Variants in SRP19 observed in about 807,000 individuals in gnomAD.
The protein encoded by SRP19 is signal recognition particle 19 kDa protein.
In SRP19, 11 loss-of-function variants were observed where a neutral mutation model predicts 22.4. That is an observed-to-expected ratio of 0.49 (90% CI 0.31 to 0.81). The LOEUF (loss-of-function observed/expected upper bound fraction) is 0.81, where lower values mean the gene tolerates loss of function less well. Among genes scored for constraint, SRP19 ranks in the 40% least tolerant of loss-of-function variants. The probability of loss-of-function intolerance (pLI) is 0.05; values close to 1 mark genes in which losing one functional copy is unlikely to be tolerated. For synonymous variants in SRP19, 61 were observed against 57.6 expected (o/e 1.06, Z -0.27); for missense variants, 168 against 175.9 (o/e 0.96, Z 0.25).
At position 112,892,408 on chromosome 5, in the gene SRP19, A is replaced by C. The variant is rs745871536; in HGVS notation, c.*801A>C. On this transcript the variant is annotated 3_prime_UTR_variant, in exon 5 of 5. Transcript: ENST00000391338. ...GTTGCCCGAGTTCAAGAACGTGGGGAAAGTGATTCAGTTCAAGGTCAGCTG... is the reference window on the plus strand; with the variant it reads ...GTTGCCCGAGTTCAAGAACGTGGGGCAAGTGATTCAGTTCAAGGTCAGCTG... The C allele has an allele frequency of 1.3e-5, 21 of 1,614,000 alleles. No homozygotes were observed. In the East Asian group the frequency reaches 4.7e-4, roughly 36 times the overall value.
intron 4 of SRP19, among the ~76,000 whole-genome samples, chr5:112,883,459 A>T (rs540498151): frequency 6.6e-6 from 1 of 152,232 alleles, no homozygotes; most frequent in African/African-American, 2.4e-5. Context: ...CCACACGCTC[A>T]TGGTTTTCTT....
chr5:112,865,371 T>C (rs904558419), intron 4 of SRP19, among the ~76,000 whole-genome samples: 22 of 152,310 alleles, frequency 1.4e-4, no homozygotes, highest in African/African-American at 5.1e-4. Flanking sequence ...TTTTATTTTA[T>C]GAAAAACAAT....
intron 4 of SRP19, among the ~76,000 whole-genome samples, chr5:112,889,011 G>C (rs911037808): frequency 6.6e-6 from 1 of 150,780 alleles, no homozygotes; most frequent in African/African-American, 2.5e-5. Flanking sequence ...TTCCCCTTTC[G>C]CTTGGGCTCT....
rs978184782 is a variant in SRP19, at chr5:112,869,236, T to C, written c.*1699T>C. On this transcript the variant is annotated 3_prime_UTR_variant, in exon 5 of 5. Coordinates refer to ENST00000505459, the MANE Select transcript of SRP19 (RefSeq NM_003135.3). ...CCATGACATATTTCTAACACCTTTA[T>C]GATTATTGTTCCTGCTTGTAAAAGG... The C allele has an allele frequency of 6.6e-6, 1 of 152,198 alleles. No homozygotes were observed. 9.4% of individuals were successfully genotyped at this position (152,198 alleles called of 1,614,324 possible). A position where few individuals can be genotyped will look rare whatever the true frequency, so the allele number is the denominator to read the frequency against.
chr5:112,881,300 G>A (rs1444590961), intron 4 of SRP19, among the ~76,000 whole-genome samples: 1 of 152,012 alleles, frequency 6.6e-6, no homozygotes, highest in Non-Finnish European at 1.5e-5. Flanking sequence ...CCACTTCTGG[G>A]GCATCAGTGC....
At chr5:112,893,546 A>T (rs1168539621), downstream of SRP19, 2 of 154,008 alleles carry the variant, frequency 1.3e-5, no homozygotes, top group African/African-American at 4.8e-5. Flanking sequence ...CCTATTCCTT[A>T]CATTTAAAGA....
Position 112,869,056 on chromosome 5 carries a change from TAACAA to T in SRP19, c.*1525_*1529del, listed in dbSNP as rs1222274638. Reference sequence around the variant, plus strand: ...GAGAAAGTGGGTGTGTTTGGCTGTGTAACAAAACAATAAGGGGATGTGTTTGCTGT... The same window carrying T: ...GAGAAAGTGGGTGTGTTTGGCTGTGTAACAATAAGGGGATGTGTTTGCTGT... On this transcript the variant is annotated 3_prime_UTR_variant, in exon 5 of 5. Transcript: ENST00000505459. 6.6e-6 allele frequency: 1 copy of T among 152,194 alleles called. No individual in the cohort carries two copies. Among genetic ancestry groups the T allele is most frequent in the African/African-American group, 2.4e-5 (1 of 41,452 alleles). The allele number at this position is 152,194 out of a possible 1,614,324, so 9.4% of individuals were successfully genotyped here. A position where few individuals can be genotyped will look rare whatever the true frequency, so the allele number is the denominator to read the frequency against.
rs1767658153 is a variant in SRP19, at chr5:112,867,803, G to A, written c.*266G>A. On this transcript the variant is annotated 3_prime_UTR_variant, in exon 5 of 5. Coordinates refer to ENST00000505459, the MANE Select transcript of SRP19 (RefSeq NM_003135.3). ...AATATTTTTAAATGGACAATGGACT[G>A]TACAATAAGTTACTTGAAATAAGTT... is the stretch of plus-strand genomic sequence containing the variant. The A allele has an allele frequency of 8.9e-7, 1 of 1,125,690 alleles. No individual in the cohort carries two copies. The highest frequency in any genetic ancestry group is 1.1e-6 in the Non-Finnish European group (1 of 920,884). The allele number at this position is 1,125,690 out of a possible 1,614,324, so 69.7% of individuals were successfully genotyped here. A position where few individuals can be genotyped will look rare whatever the true frequency, so the allele number is the denominator to read the frequency against.
Position 112,862,522 on chromosome 5 carries a change from A to G in SRP19, c.56A>G (p.Tyr19Cys). Reference sequence around the variant, plus strand: ...GTCTATGGCAGGTTTATTTGTATCTATCCTGCTTATTTAAATAATAAGAAG... The same window carrying G: ...GTCTATGGCAGGTTTATTTGTATCTGTCCTGCTTATTTAAATAATAAGAAG... ...PADQDRFICI[Y>C]PAYLNNKKTI... Residue 19 changes from tyrosine to cysteine, a missense_variant, in exon 2 of 5, where the codon TAT (tyrosine) becomes TGT (cysteine). Coordinates refer to ENST00000505459, the MANE Select transcript of SRP19 (RefSeq NM_003135.3). 2 of 1,613,878 alleles carry G rather than the reference A, an allele frequency of 1.2e-6. No homozygotes were observed. The highest frequency in any genetic ancestry group is 1.7e-6 in the Non-Finnish European group (2 of 1,179,892).
At position 112,862,779 on chromosome 5, in the gene SRP19, A is replaced by AT. The variant is rs536542827; in HGVS notation, c.117+203dup. Among the ~76,000 whole-genome samples the AT allele has an allele frequency of 4.4e-3, 671 of 152,112 alleles. 3 individuals are homozygous for AT. Among genetic ancestry groups the AT allele is most frequent in the Middle Eastern group, 0.01 (3 of 294 alleles). ...GGCATTAATTCATAGCTGAAGGGAT[A>AT]TTTTTTTAACGTCTCTTAATGAGCC... is the stretch of plus-strand genomic sequence containing the variant. On this transcript the variant is annotated intron_variant, in intron 2 of 4. Transcript: ENST00000505459.
chr5:112,880,698 A>G (rs1247913512), intron 4 of SRP19, among the ~76,000 whole-genome samples: 1 of 152,234 alleles, frequency 6.6e-6, no homozygotes, highest in African/African-American at 2.4e-5. Context: ...ATAACAAAGT[A>G]AGATTGGATT....
intron 2 of SRP19, 49 bp downstream of exon 2, chr5:112,862,632 A>G (rs949735355): frequency 1.9e-6 from 3 of 1,554,120 alleles, no homozygotes; most frequent in Non-Finnish European, 2.6e-6. Context: ...GGGGGGTGTC[A>G]TCCTGGTCGG....
chr5:112,865,969 T>C (rs1346254874), intron 4 of SRP19, among the ~76,000 whole-genome samples: 1 of 152,214 alleles, frequency 6.6e-6, no homozygotes, highest in Non-Finnish European at 1.5e-5. Context: ...TCTTCCCATC[T>C]TGGGGAGATC....
rs1768391978 is a variant in SRP19, at chr5:112,890,188, G to A, written c.302-1415G>A. Among the ~76,000 whole-genome samples the A allele has an allele frequency of 1.3e-5, 2 of 150,378 alleles. 1 individual carries two copies. The highest frequency in any genetic ancestry group is 5.0e-5 in the African/African-American group (2 of 40,280). ...TGTATGCCTGTGGTCCTCCTGGGAG[G>A]TTGAGGTGGGAGGGTGGCTTGACCT... On this transcript the variant is annotated intron_variant, in intron 4 of 4. Coordinates refer to the SRP19 transcript ENST00000391338.
intron 4 of SRP19, chr5:112,876,602 G>C (rs1195574486): frequency 2.0e-5 from 3 of 152,108 alleles, no homozygotes; most frequent in Non-Finnish European, 2.9e-5. Flanking sequence ...TAAGCTGTTT[G>C]GTAGGAATTC....
At chr5:112,870,886 C>G (rs1767744034), downstream of SRP19, among the ~76,000 whole-genome samples, 1 of 152,176 alleles carries the variant, frequency 6.6e-6, no homozygotes, top group Admixed American at 6.5e-5. Context: ...GAGCCAAATA[C>G]ACATTGCCCA....
chr5:112,891,182 C>T (rs1768433694), intron 4 of SRP19, among the ~76,000 whole-genome samples: 1 of 152,012 alleles, frequency 6.6e-6, no homozygotes, highest in African/African-American at 2.4e-5. Flanking sequence ...AAGCAGTTCT[C>T]CTGCCTCAGC....
At chr5:112,891,801 G>A (rs746759003) in exon 5 of SRP19, 5 of 1,607,182 alleles carry the variant, frequency 3.1e-6, no homozygotes, top group East Asian at 4.5e-5. Context: ...AGGAGGAAGA[G>A]GACACTTTTA....
downstream of SRP19, among the ~76,000 whole-genome samples, chr5:112,870,639 T>C (rs758140702): frequency 1.4e-4 from 22 of 152,184 alleles, no homozygotes; most frequent in South Asian, 1.2e-3. Flanking sequence ...TGTGATGTTA[T>C]TGAGAGGTGG....
Sources: allele counts gnomAD v4.1 joint callset (sites outside exome capture counted in the v4.1 genomes callset), GRCh38; gene constraint gnomAD v4.1.1; transcripts MANE v1.5; gene names NCBI Gene and HGNC (gene_info 2026-07-23, HGNC 2026-07-21).